ARL3: variants seen among roughly 807,000 people sequenced by gnomAD.
ARL3 encodes ADP-ribosylation factor-like protein 3.
Under a neutral mutation model 26.0 loss-of-function variants are expected in ARL3, and 9 were observed. The ratio of observed to expected loss-of-function variants is 0.35; its 90% CI spans 0.21 to 0.60. The LOEUF (loss-of-function observed/expected upper bound fraction) is 0.60, where lower values mean the gene tolerates loss of function less well. ARL3 is among the 20% of genes least tolerant of loss of function. ARL3 has a pLI of 0.78. For missense variants in ARL3, 158 were observed against 215.7 expected (o/e 0.73, Z 1.67); for synonymous variants, 71 against 78.4 (o/e 0.91, Z 0.50).
At chr10:102,700,517 T>C (rs2136005829) in intron 2 of ARL3, among the ~76,000 whole-genome samples, 1 of 150,418 alleles carries the variant, frequency 6.6e-6, no homozygotes, top group East Asian at 2.0e-4. Flanking sequence ...CAGACTGGAG[T>C]GCAGTGGCAT....
rs56041064 is a variant in ARL3 at position 102,700,408 on chromosome 10, C to CAAAA, written c.148-923_148-920dup. Among the ~76,000 whole-genome samples, 13 of 89,474 alleles carry CAAAA rather than the reference C, an allele frequency of 1.5e-4. 4 individuals are homozygous for CAAAA. In the South Asian group the frequency reaches 2.9e-3, roughly 20 times the overall value. 58.7% of individuals were successfully genotyped at this position (89,474 alleles called of 152,430 possible). A position where few individuals can be genotyped will look rare whatever the true frequency, so the allele number is the denominator to read the frequency against. On this transcript the variant is annotated intron_variant, in intron 2 of 5. Transcript: ENST00000260746. ...TGGGCGACAGAGTGAGATTCCATCTCAAAAAAAAAAAAAGTGCTTTCATAG... is the reference window on the plus strand; with the variant it reads ...TGGGCGACAGAGTGAGATTCCATCTCAAAAAAAAAAAAAAAAAGTGCTTTCATAG...
chr10:102,704,513 G>A (rs1283616454), intron 2 of ARL3, among the ~76,000 whole-genome samples: 3 of 151,766 alleles, frequency 2.0e-5, no homozygotes, highest in Non-Finnish European at 2.9e-5. Context: ...GGCGGTGTGC[G>A]CCTGTAATCC....
chr10:102,685,237 G>A (rs1390603507), intron 5 of ARL3, among the ~76,000 whole-genome samples: 9 of 94,450 alleles, frequency 9.5e-5, no homozygotes, highest in African/African-American at 3.2e-4. Context: ...CAATGAGAAT[G>A]AAACTCCGTC....
chr10:102,708,908 A>ATATATATTTTTTTT, intron 1 of ARL3, among the ~76,000 whole-genome samples: 2 of 95,328 alleles, frequency 2.1e-5, no homozygotes, highest in East Asian at 3.1e-4. Context: ...ATATATATAT[A>ATATATATTTTTTTT]TTTTTTTTTT....
chr10:102,714,071 C>G (rs1216941462), intron 1 of ARL3, among the ~76,000 whole-genome samples: 1 of 152,250 alleles, frequency 6.6e-6, no homozygotes, highest in African/African-American at 2.4e-5. Context: ...CAAGCCCCGC[C>G]TTCCTCTCCA....
At chr10:102,713,164 G>A (rs927149558) in intron 1 of ARL3, among the ~76,000 whole-genome samples, 4 of 151,426 alleles carry the variant, frequency 2.6e-5, no homozygotes, top group African/African-American at 7.3e-5. Context: ...AAGAGAGTTG[G>A]AGCAGTGACT....
chr10:102,712,870 G>A (rs1362118839), intron 1 of ARL3, among the ~76,000 whole-genome samples: 1 of 151,978 alleles, frequency 6.6e-6, no homozygotes, highest in Non-Finnish European at 1.5e-5. Flanking sequence ...AAAAGAAACA[G>A]TTGTAAAAAT....
At chr10:102,711,920 C>T (rs959913394) in intron 1 of ARL3, among the ~76,000 whole-genome samples, 4 of 152,006 alleles carry the variant, frequency 2.6e-5, no homozygotes, top group African/African-American at 9.7e-5. Flanking sequence ...TTTTCACGGG[C>T]CATTTTCTAA....
In ARL3 at chr10:102,705,469, G is replaced by A. The variant is rs2064304710; in HGVS notation, c.24C>T (p.Arg8=). Residue 8 remains arginine (R), a synonymous_variant, in exon 2 of 6, where the codon CGC becomes CGT. Coordinates refer to ENST00000260746, the MANE Select transcript of ARL3 (RefSeq NM_004311.4). Reference sequence around the variant, plus strand: ...CCTGGTCTGGTGCACTTTTCAACTTGCGCAAAATTGAGAGCAAGCCCTTCA... The same window carrying A: ...CCTGGTCTGGTGCACTTTTCAACTTACGCAAAATTGAGAGCAAGCCCTTCA... The part of the protein sequence containing the change: MGLLSIL[R]KLKSAPDQEV... 6.3e-7 allele frequency: 1 copy of A among 1,598,496 alleles called. No individual in the cohort carries two copies. Among genetic ancestry groups the A allele is most frequent in the Non-Finnish European group, 8.6e-7 (1 of 1,167,498 alleles).
chr10:102,690,295 CTTTTT>C lies in ARL3; in HGVS notation c.265-357_265-353del, dbSNP rs34924011. 7.0e-3 allele frequency among the ~76,000 whole-genome samples: 865 copies of C among 123,702 alleles called. 9 individuals are homozygous for C. Among genetic ancestry groups the C allele is most frequent in the African/African-American group, 0.024 (818 of 34,432 alleles). 81.2% of individuals were successfully genotyped at this position (123,702 alleles called of 152,430 possible). A position where few individuals can be genotyped will look rare whatever the true frequency, so the allele number is the denominator to read the frequency against. ...CTACAATATAGATTTCACTATTTTC[CTTTTT>C]TTTTTTTTTTTTTTGAGACAGAGTC... On this transcript the variant is annotated intron_variant, in intron 3 of 5. Transcript: ENST00000260746.
chr10:102,708,908 A>ATATATATATTTT lies in ARL3; in HGVS notation c.4-3420_4-3419insAAAATATATATA. Among the ~76,000 whole-genome samples, 650 of 95,184 alleles carry ATATATATATTTT rather than the reference A, an allele frequency of 6.8e-3. 5 individuals carry two copies. Among genetic ancestry groups the ATATATATATTTT allele is most frequent in the Non-Finnish European group, 9.6e-3 (482 of 50,322 alleles). 62.4% of individuals were successfully genotyped at this position (95,184 alleles called of 152,430 possible). On this transcript the variant is annotated intron_variant, in intron 1 of 5. Coordinates refer to ENST00000260746, the MANE Select transcript of ARL3 (RefSeq NM_004311.4). ...ATATTATATATATATATATATATAT[A>ATATATATATTTT]TTTTTTTTTTTTTTGAGACAAGGTC...
rs1417718557 is a variant in ARL3, at chr10:102,686,888, TTTTTTTG to T, written c.316-894_316-888del. On this transcript the variant is annotated intron_variant, in intron 4 of 5. Coordinates refer to ENST00000260746, the MANE Select transcript of ARL3 (RefSeq NM_004311.4). ...TTACTTTTTTTTTTTTTTTTTTTTT[TTTTTTTG>T]AGACGAGTCTTGCTCTGTTGCCCAG... 1.1e-4 allele frequency among the ~76,000 whole-genome samples: 15 copies of T among 138,512 alleles called. 1 individual carries two copies. The highest frequency in any genetic ancestry group is 4.1e-4 in the African/African-American group (15 of 36,570). 90.9% of individuals were successfully genotyped at this position (138,512 alleles called of 152,430 possible). A position where few individuals can be genotyped will look rare whatever the true frequency, so the allele number is the denominator to read the frequency against.
rs71019603 is a variant in ARL3, at chr10:102,689,829, CAAAAAA to C, written c.315+58_315+63del. On this transcript the variant is annotated intron_variant, in intron 4 of 5. Transcript: ENST00000260746. ...GGCAACAAGAGCAAAAACTCCGTCT[CAAAAAA>C]AAAAAAGTACATACATATATATATA... is the stretch of plus-strand genomic sequence containing the variant. 17 of 851,354 alleles carry C rather than the reference CAAAAAA, an allele frequency of 2.0e-5. No individual in the cohort carries two copies. The South Asian group carries it at 2.2e-4, about 11-fold the overall frequency. The allele number at this position is 851,354 out of a possible 1,614,324, so 52.7% of individuals were successfully genotyped here.
chr10:102,700,979 C>T (rs1044859014), intron 2 of ARL3, among the ~76,000 whole-genome samples: 58 of 151,912 alleles, frequency 3.8e-4, no homozygotes, highest in Middle Eastern at 3.4e-3. Context: ...TCAGGTGATC[C>T]GCCCGCCTCA....
At chr10:102,713,691 A>G (rs575807298) in intron 1 of ARL3, among the ~76,000 whole-genome samples, 6 of 152,246 alleles carry the variant, frequency 3.9e-5, no homozygotes, top group Admixed American at 1.3e-4. Context: ...ACGGCGTAAA[A>G]TCCACCAGGC....
chr10:102,682,182 T>G (rs533207748), intron 5 of ARL3, among the ~76,000 whole-genome samples: 1 of 152,158 alleles, frequency 6.6e-6, no homozygotes, highest in Non-Finnish European at 1.5e-5. Context: ...CTCTTTCCGC[T>G]TTCATCCACT....
chr10:102,676,970 G>A (rs2064133765), intron 5 of ARL3, 29 bp from the exon 6 acceptor site: 4 of 1,612,232 alleles, frequency 2.5e-6, no homozygotes, highest in Non-Finnish European at 3.4e-6. Flanking sequence ...GAGAAAGGCA[G>A]TGTTAGTTAT....
intron 2 of ARL3, 52 bp downstream of exon 2, chr10:102,705,294 C>T (rs2064303323): frequency 4.7e-6 from 7 of 1,501,318 alleles, no homozygotes; most frequent in Middle Eastern, 2.5e-4. Context: ...TTTCACATTG[C>T]TATTATCGTC....
intron 5 of ARL3, among the ~76,000 whole-genome samples, chr10:102,684,256 C>A (rs1280729255): frequency 5.9e-5 from 9 of 152,114 alleles, no homozygotes; most frequent in Admixed American, 5.9e-4. Flanking sequence ...TCAGGCCATT[C>A]TCCTGCCTCA....
Sources: gnomAD v4.1 joint callset for allele counts (sites outside exome capture counted in the v4.1 genomes callset) on GRCh38, gnomAD v4.1.1 for gene constraint, MANE v1.5 for transcripts, NCBI Gene and HGNC (gene_info 2026-07-23, HGNC 2026-07-21) for gene names.